The following SWT1 variants were observed in gnomAD, a reference collection of about 807,000 sequenced individuals.
SWT1 encodes SWT1 RNA endoribonuclease homolog.
Under a neutral mutation model 107.3 loss-of-function variants are expected in SWT1, and 33 were observed. The ratio of observed to expected loss-of-function variants is 0.31; its 90% CI spans 0.23 to 0.41. SWT1 has a LOEUF of 0.41. SWT1 is among the 10% of genes least tolerant of loss of function. The pLI, the probability that SWT1 is intolerant of heterozygous loss-of-function variation, is 1.00. For synonymous variants in SWT1, 345 were observed against 348.3 expected, an observed-to-expected ratio of 0.99 and a Z score of 0.11; for missense variants, 898 against 1,028.9, an observed-to-expected ratio of 0.87 and a Z score of 1.74.
At chr1:185,229,238 G>A (rs1484560713) in intron 15 of SWT1, among the ~76,000 whole-genome samples, 3 of 152,140 alleles carry the variant, frequency 2.0e-5, no homozygotes, top group Non-Finnish European at 2.9e-5. Context: ...GCAGTTGTGG[G>A]AGAGATGATA....
At chr1:185,239,792 C>G (rs926056215) in intron 16 of SWT1, among the ~76,000 whole-genome samples, 1 of 151,868 alleles carries the variant, frequency 6.6e-6, no homozygotes, top group Non-Finnish European at 1.5e-5. Context: ...AAACTTATGT[C>G]TAGATTGATC....
chr1:185,195,925 TC>T (rs1177537948), intron 10 of SWT1, among the ~76,000 whole-genome samples: 1 of 152,244 alleles, frequency 6.6e-6, no homozygotes, highest in African/African-American at 2.4e-5. Flanking sequence ...GCAAAAAATT[TC>T]TCACATTCTG....
At chr1:185,248,702 C>T (rs970436370) in intron 16 of SWT1, among the ~76,000 whole-genome samples, 1 of 148,496 alleles carries the variant, frequency 6.7e-6, no homozygotes. Flanking sequence ...AAATATCCTT[C>T]ATTTAACTAC....
At chr1:185,255,627 T>G (rs1411187945) in intron 16 of SWT1, among the ~76,000 whole-genome samples, 3 of 127,216 alleles carry the variant, frequency 2.4e-5, no homozygotes, top group Non-Finnish European at 4.8e-5. Context: ...GTTTTCCATT[T>G]GCTTGGTAGA....
At chr1:185,227,196 T>C in intron 15 of SWT1, 1 of 863,122 alleles carries the variant, frequency 1.2e-6, no homozygotes, top group Non-Finnish European at 2.0e-6. Flanking sequence ...CAAGCATCCA[T>C]CCACAGCTCC....
At chr1:185,192,899 C>T (rs1263182967) in intron 10 of SWT1, among the ~76,000 whole-genome samples, 4 of 152,120 alleles carry the variant, frequency 2.6e-5, no homozygotes, top group Middle Eastern at 3.4e-3. Flanking sequence ...CCGGCCACCT[C>T]GGTCTCCCAA....
chr1:185,241,485 GA>G (rs546005239), intron 16 of SWT1, among the ~76,000 whole-genome samples: 37 of 152,184 alleles, frequency 2.4e-4, no homozygotes, highest in African/African-American at 8.9e-4. Context: ...TGTTGAGTAA[GA>G]AAAAATAATA....
At chr1:185,242,312 A>G (rs889544550) in intron 16 of SWT1, among the ~76,000 whole-genome samples, 1 of 152,098 alleles carries the variant, frequency 6.6e-6, no homozygotes, top group African/African-American at 2.4e-5. Context: ...GTCGGACTGA[A>G]TTTTTCAGTA....
intron 18 of SWT1, among the ~76,000 whole-genome samples, chr1:185,283,487 T>C (rs1216867726): frequency 2.0e-5 from 3 of 152,226 alleles, no homozygotes; most frequent in Non-Finnish European, 2.9e-5. Context: ...ATTCACTTTT[T>C]TTTCTGTCTT....
intron 15 of SWT1, among the ~76,000 whole-genome samples, chr1:185,229,004 C>T (rs538724723): frequency 1.3e-5 from 2 of 151,966 alleles, no homozygotes; most frequent in Admixed American, 1.3e-4. Context: ...TGTGTAGGGC[C>T]TATAAGCCAT....
At chr1:185,270,849 G>T (rs1409209415) in intron 16 of SWT1, among the ~76,000 whole-genome samples, 1 of 152,118 alleles carries the variant, frequency 6.6e-6, no homozygotes, top group Non-Finnish European at 1.5e-5. Flanking sequence ...AATGTTATTT[G>T]AATTTAGTCA....
intron 16 of SWT1, among the ~76,000 whole-genome samples, chr1:185,256,962 G>T (rs1384057040): frequency 6.6e-6 from 1 of 152,150 alleles, no homozygotes; most frequent in Non-Finnish European, 1.5e-5. Flanking sequence ...GGTTTTTGAT[G>T]TGGCTGTCCT....
At chr1:185,254,526 G>T (rs1234348328) in intron 16 of SWT1, among the ~76,000 whole-genome samples, 3 of 145,674 alleles carry the variant, frequency 2.1e-5, no homozygotes, top group Non-Finnish European at 3.0e-5. Context: ...ATGTGTCGAG[G>T]AATTTATCCA....
At chr1:185,275,553 T>C (rs373812992) in intron 17 of SWT1, among the ~76,000 whole-genome samples, 5 of 151,146 alleles carry the variant, frequency 3.3e-5, no homozygotes, top group East Asian at 1.9e-4. Context: ...TATATATAAT[T>C]TTTCTTTTTT....
intron 18 of SWT1, among the ~76,000 whole-genome samples, chr1:185,289,678 TAAAAAAAG>T (rs1558107297): frequency 6.6e-6 from 1 of 152,014 alleles, no homozygotes. Context: ...TATTCACTCT[TAAAAAAAG>T]AAGAAAATCC....
intron 16 of SWT1, among the ~76,000 whole-genome samples, chr1:185,254,923 A>G (rs1447051161): frequency 1.3e-5 from 2 of 152,168 alleles, no homozygotes; most frequent in African/African-American, 2.4e-5. Context: ...ATTTAATGCT[A>G]TAAAATTCCC....
intron 3 of SWT1, among the ~76,000 whole-genome samples, chr1:185,166,904 T>TTA (rs990347931): frequency 7.9e-5 from 12 of 152,050 alleles, no homozygotes; most frequent in African/African-American, 1.7e-4. Flanking sequence ...ATATATGGTT[T>TTA]TATATATATA....
intron 10 of SWT1, 34 bp downstream of exon 10, chr1:185,190,676 A>C: frequency 7.7e-7 from 1 of 1,291,126 alleles, no homozygotes. Context: ...TTTTATTTTT[A>C]AAAAATAAAC....
intron 17 of SWT1, among the ~76,000 whole-genome samples, chr1:185,273,335 G>T (rs1484204515): frequency 1.3e-5 from 2 of 152,014 alleles, no homozygotes; most frequent in Non-Finnish European, 2.9e-5. Flanking sequence ...GACCTGGGAG[G>T]TGGAGGTTGC....
Sources: gnomAD v4.1 joint callset for allele counts (sites outside exome capture counted in the v4.1 genomes callset) on GRCh38, gnomAD v4.1.1 for gene constraint, MANE v1.5 for transcripts, NCBI Gene and HGNC (gene_info 2026-07-23, HGNC 2026-07-21) for gene names.